The following RASA1 variants were observed in gnomAD, a reference collection of about 807,000 sequenced individuals.
The protein encoded by RASA1 is ras GTPase-activating protein 1.
In RASA1, 25 loss-of-function variants were observed where a neutral mutation model predicts 132.2. The observed-to-expected ratio is 0.19, with a 90% CI of 0.14 to 0.26. The LOEUF is 0.26. Ranked by LOEUF, RASA1 falls within the 10% of genes least tolerant of loss-of-function variation. The pLI, the probability that RASA1 is intolerant of heterozygous loss-of-function variation, is 1.00. For missense variants in RASA1, 964 were observed against 1,299.2 expected (o/e 0.74, Z 3.97); for synonymous variants, 477 against 449.9 (o/e 1.06, Z -0.76).
intron 6 of RASA1, among the ~76,000 whole-genome samples, chr5:87,343,465 T>C (rs1483185347): frequency 1.3e-5 from 2 of 152,084 alleles, no homozygotes; most frequent in Non-Finnish European, 2.9e-5. Context: ...TATGAAAAAA[T>C]GCTCACCATT....
Position 87,379,827 on chromosome 5 carries a change from C to A in RASA1, c.2580C>A (p.Phe860Leu). 6.2e-7 allele frequency: 1 copy of A among 1,612,630 alleles called. No individual in the cohort carries two copies. The highest frequency in any genetic ancestry group is 1.1e-5 in the South Asian group (1 of 91,026). Residue 860 changes from phenylalanine (F) to leucine (L), a missense_variant, in exon 19 of 25, where the codon TTC becomes TTA. This residue lies in a region of RASA1 where 346 missense variants were observed against 520.1 expected (regional missense o/e 0.67). Transcript: ENST00000274376. ...TTTCAGAGCTTGTGGAGAAAATATT[C>A]ATGGCTTCAGAAATACTTCCACCGT... ...NILSELVEKI[F>L]MASEILPPTL...
chr5:87,338,513 A>T (rs1338460401), intron 5 of RASA1, among the ~76,000 whole-genome samples: 3 of 97,356 alleles, frequency 3.1e-5, no homozygotes, highest in Admixed American at 2.1e-4. Flanking sequence ...ATATATATAT[A>T]TATATATATA....
intron 1 of RASA1, chr5:87,318,890 C>G (rs559836195): frequency 6.6e-6 from 1 of 152,348 alleles, no homozygotes; most frequent in South Asian, 2.1e-4. Context: ...TCCATTCCAC[C>G]TATGAGCCTG....
intron 1 of RASA1, among the ~76,000 whole-genome samples, chr5:87,317,941 T>G (rs928346185): frequency 2.0e-5 from 3 of 152,130 alleles, no homozygotes; most frequent in Non-Finnish European, 4.4e-5. Flanking sequence ...CAGCCGTTTT[T>G]CTCACACTCT....
chr5:87,267,906 G>T lies in RASA1; in HGVS notation c.-546G>T. 2 of 392,382 alleles carry T rather than the reference G, an allele frequency of 5.1e-6. No individual in the cohort carries two copies. Among genetic ancestry groups the T allele is most frequent in the East Asian group, 3.7e-5 (1 of 27,060 alleles). 24.3% of individuals were successfully genotyped at this position (392,382 alleles called of 1,614,324 possible). On this transcript the variant is annotated 5_prime_UTR_variant, in exon 1 of 25. Coordinates refer to ENST00000274376, the MANE Select transcript of RASA1 (RefSeq NM_002890.3). ...TCACTCACTGAGAGCTCCAGGTAGT[G>T]AGCAGTTCAGTCGATTTCCTCGTTA...
At chr5:87,309,119 C>T (rs914477095) in intron 1 of RASA1, among the ~76,000 whole-genome samples, 1 of 152,060 alleles carries the variant, frequency 6.6e-6, no homozygotes, top group Non-Finnish European at 1.5e-5. Flanking sequence ...GGGTCAATAC[C>T]AATTCTGTAT....
chr5:87,314,412 T>C (rs1756160598), intron 1 of RASA1, among the ~76,000 whole-genome samples: 1 of 152,120 alleles, frequency 6.6e-6, no homozygotes. Flanking sequence ...CCAGTAAAAC[T>C]GAAAAATCTG....
At chr5:87,352,224 CTTTTG>C (rs1353704911) in intron 8 of RASA1, among the ~76,000 whole-genome samples, 1 of 151,346 alleles carries the variant, frequency 6.6e-6, no homozygotes, top group Non-Finnish European at 1.5e-5. Flanking sequence ...TTTTCAGGTC[CTTTTG>C]TTTTGGTTTT....
intron 9 of RASA1, among the ~76,000 whole-genome samples, chr5:87,357,459 A>G (rs1245993689): frequency 6.6e-6 from 1 of 152,094 alleles, no homozygotes; most frequent in African/African-American, 2.4e-5. Flanking sequence ...ACATTTCCCC[A>G]TACTGAATTT....
chr5:87,326,262 C>T (rs1038716089), intron 1 of RASA1, among the ~76,000 whole-genome samples: 3 of 152,122 alleles, frequency 2.0e-5, no homozygotes, highest in Non-Finnish European at 4.4e-5. Flanking sequence ...GGAGCTACTG[C>T]GCCTGGCCAC....
intron 9 of RASA1, among the ~76,000 whole-genome samples, chr5:87,353,643 G>A (rs984016630): frequency 6.6e-6 from 1 of 152,134 alleles, no homozygotes; most frequent in Non-Finnish European, 1.5e-5. Flanking sequence ...TTATTTGCCT[G>A]TAGTTTTACG....
chr5:87,363,558 T>TACAA, intron 11 of RASA1, 54 bp downstream of exon 11: 1 of 1,573,402 alleles, frequency 6.4e-7, no homozygotes. Context: ...AATAAAATAG[T>TACAA]ACAAACAAAG....
chr5:87,308,976 A>T (rs1012569315), intron 1 of RASA1, among the ~76,000 whole-genome samples: 3 of 152,182 alleles, frequency 2.0e-5, no homozygotes, highest in African/African-American at 7.2e-5. Context: ...TAAGCAATGC[A>T]TAAGATTAAG....
chr5:87,382,879 T>G (rs1462076109), intron 20 of RASA1, among the ~76,000 whole-genome samples: 1 of 151,826 alleles, frequency 6.6e-6, no homozygotes, highest in East Asian at 1.9e-4. Flanking sequence ...GCCAGGAATT[T>G]GAAATTGTCC....
chr5:87,289,406 T>C (rs919182916), intron 1 of RASA1, among the ~76,000 whole-genome samples: 2 of 152,198 alleles, frequency 1.3e-5, no homozygotes, highest in African/African-American at 4.8e-5. Context: ...TAATAGCCGT[T>C]GATTATTTTT....
intron 11 of RASA1, 142 bp from the exon 12 acceptor site, chr5:87,369,671 A>T: frequency 1.7e-6 from 1 of 598,084 alleles, no homozygotes; most frequent in Admixed American, 3.0e-5. Context: ...TTTTTTTAGT[A>T]ATGATCTGGT....
At chr5:87,282,410 G>A (rs1754357568) in intron 1 of RASA1, among the ~76,000 whole-genome samples, 1 of 152,108 alleles carries the variant, frequency 6.6e-6, no homozygotes, top group Admixed American at 6.6e-5. Flanking sequence ...GTCCTTTGTG[G>A]TTTCAGATGA....
chr5:87,388,068 G>A (rs916293014), intron 23 of RASA1, among the ~76,000 whole-genome samples: 1 of 152,066 alleles, frequency 6.6e-6, no homozygotes, highest in African/African-American at 2.4e-5. Flanking sequence ...CCCCAAACAT[G>A]AATAAAATAA....
intron 9 of RASA1, among the ~76,000 whole-genome samples, chr5:87,359,273 G>A (rs1329494583): frequency 1.3e-5 from 2 of 152,136 alleles, no homozygotes; most frequent in African/African-American, 2.4e-5. Context: ...TTGGTTCAAT[G>A]GCTGTTAGAC....
Sources: allele counts gnomAD v4.1 joint callset (sites outside exome capture counted in the v4.1 genomes callset), GRCh38; gene constraint gnomAD v4.1.1; regional missense constraint gnomAD v4.1.1; transcripts MANE v1.5; gene names NCBI Gene and HGNC (gene_info 2026-07-23, HGNC 2026-07-21).